Variants in RARB observed in about 807,000 individuals in gnomAD.
RARB encodes retinoic acid receptor beta.
A neutral mutation model predicts 51.9 loss-of-function variants in RARB; 17 were observed. The observed-to-expected ratio is 0.33, with a 90% CI of 0.22 to 0.49. RARB has a LOEUF of 0.49. RARB is among the 20% of genes least tolerant of loss of function. RARB has a pLI of 0.99. For missense variants in RARB, 369 were observed against 550.8 expected (o/e 0.67, Z 3.30); for synonymous variants, 215 against 195.4 (o/e 1.10, Z -0.84).
chr3:24,923,962 AAAT>A (rs1234851958), intron 2 of RARB, among the ~76,000 whole-genome samples: 2 of 152,146 alleles, frequency 1.3e-5, no homozygotes, highest in Admixed American at 6.6e-5. Flanking sequence ...TTAACAGGTG[AAAT>A]AATATCATTT....
At chr3:24,940,209 C>T (rs1053572302) in intron 2 of RARB, among the ~76,000 whole-genome samples, 1 of 152,166 alleles carries the variant, frequency 6.6e-6, no homozygotes, top group Middle Eastern at 3.4e-3. Flanking sequence ...TTCATCTTTT[C>T]GTAGTACAAA....
Position 25,295,861 on chromosome 3 carries a change from G to A in RARB, c.178+121286G>A, listed in dbSNP as rs1361708199. Reference sequence around the variant, plus strand: ...TTGAGAACAAGTTCCATGACCCTTAGGCCCTTTACCACAGCAGCTAGACGG... The same window carrying A: ...TTGAGAACAAGTTCCATGACCCTTAAGCCCTTTACCACAGCAGCTAGACGG... On this transcript the variant is annotated intron_variant, in intron 5 of 11. Coordinates refer to the RARB transcript ENST00000383772. Among the ~76,000 whole-genome samples the A allele has an allele frequency of 1.1e-4, 16 of 152,266 alleles. No homozygotes were observed. The East Asian group carries it at 3.1e-3, about 29-fold the overall frequency.
intron 5 of RARB, among the ~76,000 whole-genome samples, chr3:25,287,950 A>G (rs1171181833): frequency 6.6e-6 from 1 of 152,154 alleles, no homozygotes; most frequent in Non-Finnish European, 1.5e-5. Context: ...AATATGCATT[A>G]TAAAGGGGAG....
chr3:25,311,846 T>C (rs1258388622), intron 5 of RARB, among the ~76,000 whole-genome samples: 1 of 151,986 alleles, frequency 6.6e-6, no homozygotes, highest in African/African-American at 2.4e-5. Context: ...GGAATGACAG[T>C]GGGGGATGTG....
At chr3:25,081,590 T>C (rs1424252120) in intron 3 of RARB, among the ~76,000 whole-genome samples, 8 of 16,244 alleles carry the variant, frequency 4.9e-4, no homozygotes. Flanking sequence ...CATATACATA[T>C]ATATATATAT....
intron 2 of RARB, among the ~76,000 whole-genome samples, chr3:24,896,196 C>G (rs1411875176): frequency 6.6e-6 from 1 of 152,148 alleles, no homozygotes; most frequent in Non-Finnish European, 1.5e-5. Flanking sequence ...ATGGTTACCA[C>G]AGGCTGGAGG....
At chr3:25,489,922 G>A (rs915690073) in intron 2 of RARB, among the ~76,000 whole-genome samples, 2 of 152,260 alleles carry the variant, frequency 1.3e-5, no homozygotes, top group African/African-American at 4.8e-5. Flanking sequence ...TCAGGCGTCA[G>A]CCTGGACTCA....
rs13317535 is a variant in RARB, at chr3:25,174,246, A to G, written c.-152A>G. ...CAGGCAGAGAAACCATGCTGGGAAG[A>G]AGCAAGGTCATCAGTTGAACCATCT... On this transcript the variant is annotated 5_prime_UTR_variant, in exon 5 of 12. Transcript: ENST00000383772. 550 of 480,350 alleles carry G rather than the reference A, an allele frequency of 1.1e-3. 2 individuals carry two copies. The highest frequency in any genetic ancestry group is 0.01 in the African/African-American group (522 of 49,746). The allele number at this position is 480,350 out of a possible 1,614,324, so 29.8% of individuals were successfully genotyped here. A position where few individuals can be genotyped will look rare whatever the true frequency, so the allele number is the denominator to read the frequency against.
chr3:25,552,770 G>C (rs929204741), intron 3 of RARB, among the ~76,000 whole-genome samples: 2 of 152,096 alleles, frequency 1.3e-5, no homozygotes, highest in African/African-American at 4.8e-5. Context: ...TCAATGTCTA[G>C]GGTTTACTAC....
At chr3:24,999,107 C>G (rs1697104499) in intron 2 of RARB, among the ~76,000 whole-genome samples, 1 of 152,084 alleles carries the variant, frequency 6.6e-6, no homozygotes, top group Non-Finnish European at 1.5e-5. Flanking sequence ...TAAGCTTCTT[C>G]AGGCTTTTCT....
intron 2 of RARB, among the ~76,000 whole-genome samples, chr3:24,993,074 G>A (rs1289243903): frequency 1.3e-5 from 2 of 152,044 alleles, no homozygotes; most frequent in Admixed American, 6.5e-5. Context: ...GTGAATATAC[G>A]TTAGCCAACT....
At chr3:24,831,910 A>AT (rs1324932938) in intron 1 of RARB, among the ~76,000 whole-genome samples, 1 of 152,084 alleles carries the variant, frequency 6.6e-6, no homozygotes, top group Admixed American at 6.6e-5. Context: ...CTGAATAACT[A>AT]TTTTTTTCTG....
intron 4 of RARB, among the ~76,000 whole-genome samples, chr3:25,143,653 G>A (rs1173966892): frequency 6.6e-6 from 1 of 152,136 alleles, no homozygotes; most frequent in Non-Finnish European, 1.5e-5. Flanking sequence ...CACTGAACCT[G>A]AGCAACCCCA....
intron 2 of RARB, among the ~76,000 whole-genome samples, chr3:25,479,051 T>C (rs1187172738): frequency 6.6e-6 from 1 of 152,156 alleles, no homozygotes; most frequent in Non-Finnish European, 1.5e-5. Flanking sequence ...GGGCCTTTAA[T>C]TGTACCCTCT....
rs147353760 is a variant in RARB at position 25,568,104 on chromosome 3, C to A, written c.449-1654C>A. 8.7e-3 allele frequency among the ~76,000 whole-genome samples: 1,330 copies of A among 152,296 alleles called. 18 individuals are homozygous for A. Among genetic ancestry groups the A allele is most frequent in the African/African-American group, 0.03 (1,231 of 41,566 alleles). On this transcript the variant is annotated intron_variant, in intron 3 of 7. Transcript: ENST00000330688. ...CAGTCTGCACTGGGAAAGAATACAG[C>A]TGAGGCTGCACTTCCCACTCATTTC... is the stretch of plus-strand genomic sequence containing the variant.
At chr3:25,073,144 G>C (rs1181226221) in intron 3 of RARB, among the ~76,000 whole-genome samples, 1 of 152,220 alleles carries the variant, frequency 6.6e-6, no homozygotes, top group Non-Finnish European at 1.5e-5. Context: ...AGCCAGGCAA[G>C]TGATGTGTGC....
At chr3:25,139,163 T>C (rs534604249) in intron 4 of RARB, among the ~76,000 whole-genome samples, 2 of 152,182 alleles carry the variant, frequency 1.3e-5, no homozygotes, top group African/African-American at 2.4e-5. Flanking sequence ...ACAACAATAC[T>C]GAAATTAGGC....
intron 5 of RARB, among the ~76,000 whole-genome samples, chr3:25,218,465 C>T (rs938624978): frequency 1.3e-5 from 2 of 152,118 alleles, no homozygotes; most frequent in African/African-American, 4.8e-5. Flanking sequence ...GAAACATGCT[C>T]AGCATTGCCA....
chr3:25,327,832 T>G (rs942088025), intron 5 of RARB, among the ~76,000 whole-genome samples: 2 of 152,220 alleles, frequency 1.3e-5, no homozygotes, highest in African/African-American at 2.4e-5. Flanking sequence ...TCTATTTGAC[T>G]ATAGGCAAGT....
Sources: gnomAD v4.1 joint callset for allele counts (sites outside exome capture counted in the v4.1 genomes callset) on GRCh38, gnomAD v4.1.1 for gene constraint, MANE v1.5 for transcripts, NCBI Gene and HGNC (gene_info 2026-07-23, HGNC 2026-07-21) for gene names.